GLIS3: variants seen among roughly 807,000 people sequenced by gnomAD.
GLIS3 encodes GLIS family zinc finger 3.
GLIS3 carries 53 observed loss-of-function variants against 78.6 expected under a neutral mutation model. The ratio of observed to expected loss-of-function variants is 0.67; its 90% confidence interval spans 0.54 to 0.85. The LOEUF is 0.85. GLIS3 is among the 40% of genes least tolerant of loss of function. The pLI is 0.00. For synonymous variants in GLIS3, 684 were observed against 509.9 expected (o/e 1.34, Z -4.60); for missense variants, 1,703 against 1,231.1 (o/e 1.38, Z -5.74).
intron 7 of GLIS3, among the ~76,000 whole-genome samples, chr9:3,883,344 A>G (rs977445177): frequency 7.2e-5 from 11 of 152,214 alleles, no homozygotes; most frequent in Non-Finnish European, 1.5e-5. Context: ...GGCAGGTGCT[A>G]ATCTCCATTA....
intron 2 of GLIS3, among the ~76,000 whole-genome samples, chr9:4,184,946 T>G (rs914673771): frequency 6.6e-6 from 1 of 152,188 alleles, no homozygotes; most frequent in Non-Finnish European, 1.5e-5. Flanking sequence ...ATGTGTACTT[T>G]GTGAAAAACA....
chr9:4,265,583 C>G (rs1048380068), intron 2 of GLIS3, among the ~76,000 whole-genome samples: 1 of 152,076 alleles, frequency 6.6e-6, no homozygotes, highest in African/African-American at 2.4e-5. Flanking sequence ...ATTCTACCTC[C>G]TAAAACAAAA....
intron 8 of GLIS3, among the ~76,000 whole-genome samples, chr9:3,862,782 T>C (rs1296060939): frequency 6.6e-6 from 1 of 152,146 alleles, no homozygotes; most frequent in African/African-American, 2.4e-5. Flanking sequence ...CCACGGCGGC[T>C]ACAGACCTCC....
chr9:4,283,586 G>C (rs777690454), intron 2 of GLIS3, among the ~76,000 whole-genome samples: 2 of 152,122 alleles, frequency 1.3e-5, no homozygotes, highest in South Asian at 2.1e-4. Context: ...TAGTTTAACT[G>C]CCCACTTGTT....
chr9:4,322,027 C>A (rs906357306), intron 2 of GLIS3, among the ~76,000 whole-genome samples: 15 of 152,132 alleles, frequency 9.9e-5, no homozygotes, highest in African/African-American at 3.6e-4. Context: ...ATCCCTCCCC[C>A]ATCCCCCGAG....
intron 2 of GLIS3, among the ~76,000 whole-genome samples, chr9:4,194,441 A>G (rs1334897566): frequency 1.3e-5 from 2 of 152,210 alleles, no homozygotes; most frequent in African/African-American, 2.4e-5. Flanking sequence ...TAAACTTCAT[A>G]AATGTCATAA....
chr9:4,392,006 C>T, the GLIS3 span, among the ~76,000 whole-genome samples: 1 of 152,118 alleles, frequency 6.6e-6, no homozygotes, highest in Non-Finnish European at 1.5e-5. Context: ...AATGCAAATG[C>T]CCATCAGTGA....
At chr9:3,890,004 T>A (rs1055497355) in intron 7 of GLIS3, among the ~76,000 whole-genome samples, 2 of 152,178 alleles carry the variant, frequency 1.3e-5, no homozygotes, top group African/African-American at 4.8e-5. Flanking sequence ...ACAGTTTTTT[T>A]AGACACCTGA....
chr9:4,102,034 T>C (rs1830407416), intron 4 of GLIS3, among the ~76,000 whole-genome samples: 2 of 152,212 alleles, frequency 1.3e-5, no homozygotes, highest in Non-Finnish European at 2.9e-5. Context: ...TGATCACTTA[T>C]AAGGATTATT....
intron 2 of GLIS3, chr9:4,285,815 A>C (rs1827939448): frequency 1.7e-6 from 1 of 585,792 alleles, no homozygotes; most frequent in Admixed American, 2.9e-5. Context: ...ACTCTGTTTC[A>C]CAGTCCCAGG....
Position 4,345,518 on chromosome 9 carries a change from A to C in GLIS3, n.264+1563T>G, listed in dbSNP as rs147856551. Among the ~76,000 whole-genome samples the C allele has an allele frequency of 3.5e-4, 54 of 152,336 alleles. 1 individual carries two copies. Among genetic ancestry groups the C allele is most frequent in the African/African-American group, 1.3e-3 (52 of 41,580 alleles). On this transcript the variant is annotated intron_variant and non_coding_transcript_variant, in intron 2 of 4. Coordinates refer to the GLIS3 transcript ENST00000471664. ...CAATAAGTATTTTTAAATGTATCAT[A>C]ATTTAGAATACTTATCAAACCCCCA...
intron 4 of GLIS3, among the ~76,000 whole-genome samples, chr9:3,948,072 T>C (rs934527421): frequency 2.0e-5 from 3 of 152,210 alleles, no homozygotes; most frequent in African/African-American, 7.2e-5. Flanking sequence ...TGCAGCTCCA[T>C]CGTCCTAGGA....
intron 6 of GLIS3, among the ~76,000 whole-genome samples, 160 bp downstream of exon 6, chr9:3,932,179 TATCAGCTATGCAAACCATAGC>T (rs1404394461): frequency 9.2e-5 from 14 of 152,064 alleles, no homozygotes; most frequent in Admixed American, 2.6e-4. Flanking sequence ...ACCATAGCCA[TATCAGCTATGCAAACCATAGC>T]CTTGCTATTA....
chr9:4,092,152 A>ATT (rs112790451), intron 4 of GLIS3, among the ~76,000 whole-genome samples: 292 of 137,662 alleles, frequency 2.1e-3, no homozygotes, highest in East Asian at 0.011. Flanking sequence ...CTGTTTTACA[A>ATT]TTTTTTTTTT....
At chr9:4,224,240 T>C (rs951467812) in intron 2 of GLIS3, among the ~76,000 whole-genome samples, 1 of 152,156 alleles carries the variant, frequency 6.6e-6, no homozygotes, top group African/African-American at 2.4e-5. Context: ...AGGAAAGTGA[T>C]TGACCAAGGT....
At chr9:4,387,369 A>G in the GLIS3 span, among the ~76,000 whole-genome samples, 1 of 152,054 alleles carries the variant, frequency 6.6e-6, no homozygotes, top group African/African-American at 2.4e-5. Flanking sequence ...TTACGGCCTT[A>G]GTGCCACTCT....
chr9:4,440,338 G>C, the GLIS3 span, among the ~76,000 whole-genome samples: 1 of 152,156 alleles, frequency 6.6e-6, no homozygotes, highest in African/African-American at 2.4e-5. Context: ...TTAGACTTAA[G>C]TCTGTAATCC....
At chr9:3,859,609 C>T (rs565117686) in intron 8 of GLIS3, among the ~76,000 whole-genome samples, 34 of 152,242 alleles carry the variant, frequency 2.2e-4, no homozygotes, top group African/African-American at 8.2e-4. Context: ...CACTCCCATT[C>T]ATCTTCAGTT....
intron 2 of GLIS3, among the ~76,000 whole-genome samples, chr9:4,149,518 C>G (rs968398510): frequency 6.6e-6 from 1 of 152,220 alleles, no homozygotes; most frequent in Non-Finnish European, 1.5e-5. Flanking sequence ...TCACGCGGAG[C>G]CTCCAACCTC....
Sources: gnomAD v4.1 joint callset for allele counts (sites outside exome capture counted in the v4.1 genomes callset) on GRCh38, gnomAD v4.1.1 for gene constraint, MANE v1.5 for transcripts, NCBI Gene and HGNC (gene_info 2026-07-23, HGNC 2026-07-21) for gene names.